Variants in ACP7 observed in about 807,000 individuals in gnomAD.
The protein encoded by ACP7 is acid phosphatase 7, tartrate resistant (putative).
A neutral mutation model predicts 60.6 loss-of-function variants in ACP7; 58 were observed. The ratio of observed to expected loss-of-function variants is 0.96; its 90% CI spans 0.77 to 1.19. The LOEUF is 1.19. ACP7 is among the 50% of genes most tolerant of loss of function. The pLI is 0.00. For missense variants in ACP7, 574 were observed against 596.2 expected, an observed-to-expected ratio of 0.96 and a Z score of 0.39; for synonymous variants, 237 against 232.6, an observed-to-expected ratio of 1.02 and a Z score of -0.17.
Position 39,100,347 on chromosome 19 carries a change from G to A in ACP7, c.626G>A (p.Arg209His), listed in dbSNP as rs766760398. ...ACATGCCCTGGGAATCATGAAGAAC[G>A]CTAGTGAGGACTGAGGGTGGTGGCG... ...YMTCPGNHEE[R>H]YNFSNYKARF... The change falls in exon 5 of 13, where the codon CGC (arginine) becomes CAC (histidine). Residue 209 changes from arginine to histidine, a missense_variant. Coordinates refer to ENST00000331256, the MANE Select transcript of ACP7 (RefSeq NM_001004318.3). The A allele has an allele frequency of 2.5e-6, 4 of 1,614,092 alleles. No homozygotes were observed. Among genetic ancestry groups the A allele is most frequent in the African/African-American group, 1.3e-5 (1 of 75,046 alleles).
intron 2 of ACP7, among the ~76,000 whole-genome samples, chr19:39,097,321 C>A (rs2073277835): frequency 6.6e-6 from 1 of 151,640 alleles, no homozygotes; most frequent in African/African-American, 2.4e-5. Flanking sequence ...GGACACAGAG[C>A]CAAACCATCT....
chr19:39,092,391 T>C (rs1377944006), intron 2 of ACP7, among the ~76,000 whole-genome samples: 2 of 134,378 alleles, frequency 1.5e-5, no homozygotes, highest in Non-Finnish European at 3.2e-5. Context: ...TATATATATA[T>C]ATAGCAGTTG....
At chr19:39,096,274 T>C (rs2073265273) in intron 2 of ACP7, among the ~76,000 whole-genome samples, 2 of 152,348 alleles carry the variant, frequency 1.3e-5, no homozygotes, top group African/African-American at 4.8e-5. Flanking sequence ...ACATCTTGAA[T>C]GCTTTGCTGC....
chr19:39,109,903 T>A (rs527746581), intron 12 of ACP7, 150 bp from the exon 13 acceptor site: 2 of 703,516 alleles, frequency 2.8e-6, no homozygotes, highest in East Asian at 5.0e-5. Context: ...ACTTTTCAGA[T>A]GAGGAAAACT....
At chr19:39,101,378 C>A in intron 10 of ACP7, 23 bp downstream of exon 10, 1 of 1,614,004 alleles carries the variant, frequency 6.2e-7, no homozygotes, top group African/African-American at 1.3e-5. Flanking sequence ...AAGGGCTGAG[C>A]GCCCACACAG....
chr19:39,097,783 A>G (rs1223770882), intron 2 of ACP7, among the ~76,000 whole-genome samples: 1 of 152,072 alleles, frequency 6.6e-6, no homozygotes, highest in Non-Finnish European at 1.5e-5. Context: ...TGATATTAAT[A>G]ATAATACTCA....
intron 2 of ACP7, among the ~76,000 whole-genome samples, chr19:39,094,439 G>A (rs1410287461): frequency 6.6e-6 from 1 of 151,168 alleles, no homozygotes; most frequent in African/African-American, 2.4e-5. Flanking sequence ...GGAGGTGGAG[G>A]TTGCAGTGAG....
chr19:39,107,015 G>A lies in ACP7; in HGVS notation c.1182G>A (p.Glu394=). ...CCTGGAGTGCCGTGCGTGTGAAGGA[G>A]TACGGGTATACGCGGCTGCACATCC... The part of the protein sequence containing the change: ...PRPWSAVRVK[E]YGYTRLHILN... The change falls in exon 12 of 13, where the codon GAG becomes GAA. Residue 394 remains glutamate (E), a synonymous_variant. Transcript: ENST00000331256. 6.2e-7 allele frequency: 1 copy of A among 1,614,134 alleles called. No homozygotes were observed. The highest frequency in any genetic ancestry group is 8.5e-7 in the Non-Finnish European group (1 of 1,180,030).
At chr19:39,093,152 C>CTTTA (rs1568476658) in intron 2 of ACP7, among the ~76,000 whole-genome samples, 1 of 40,526 alleles carries the variant, frequency 2.5e-5, no homozygotes, top group Non-Finnish European at 5.7e-5. Context: ...TCCTTTCTTT[C>CTTTA]TTTCTCTTTC....
chr19:39,101,574 T>A (rs1600267848), intron 11 of ACP7, 37 bp downstream of exon 11: 1 of 1,585,936 alleles, frequency 6.3e-7, no homozygotes, highest in Non-Finnish European at 8.6e-7. Flanking sequence ...CTTCTCTCTC[T>A]ATTCCTATCT....
At position 39,107,005 on chromosome 19, in the gene ACP7, G is replaced by C. The variant is rs759947307; in HGVS notation, c.1172G>C (p.Arg391Pro). 4 of 1,613,988 alleles carry C rather than the reference G, an allele frequency of 2.5e-6. No homozygotes were observed. In the African/African-American group the frequency reaches 4.0e-5, roughly 16 times the overall value. The change falls in exon 12 of 13, where the codon CGT (arginine) becomes CCT (proline). Residue 391 changes from arginine to proline, a missense_variant. Arg to Pro is a moderately radical substitution (Grantham distance 103). Transcript: ENST00000331256. ...TTCCCGAGGCCCTGGAGTGCCGTGCGTGTGAAGGAGTACGGGTATACGCGG... is the reference window on the plus strand; with the variant it reads ...TTCCCGAGGCCCTGGAGTGCCGTGCCTGTGAAGGAGTACGGGTATACGCGG... Reference protein sequence around the residue: ...AVFPRPWSAVRVKEYGYTRLH... With the variant: ...AVFPRPWSAVPVKEYGYTRLH...
At chr19:39,097,827 G>C (rs889901731) in intron 2 of ACP7, among the ~76,000 whole-genome samples, 5 of 152,098 alleles carry the variant, frequency 3.3e-5, no homozygotes, top group African/African-American at 4.8e-5. Context: ...ACTAGGTACT[G>C]TTTCACGTGC....
At position 39,101,032 on chromosome 19, in the gene ACP7, C is replaced by T. The variant is rs773849775; in HGVS notation, c.891C>T (p.Asp297=). The change falls in exon 8 of 13, where the codon GAC becomes GAT. Residue 297 remains aspartate, a synonymous_variant. Coordinates refer to ENST00000331256, the MANE Select transcript of ACP7 (RefSeq NM_001004318.3). The part of the protein sequence containing the change: ...RPMYCSNADL[D]DCTRHESKVR... Reference sequence around the variant, plus strand: ...TGTACTGCTCCAACGCAGATCTGGACGACTGCACACGACATGAAAGCAAGG... The same window carrying T: ...TGTACTGCTCCAACGCAGATCTGGATGACTGCACACGACATGAAAGCAAGG... 19 of 1,613,772 alleles carry T rather than the reference C, an allele frequency of 1.2e-5. No individual in the cohort carries two copies. Among genetic ancestry groups the T allele is most frequent in the African/African-American group, 9.3e-5 (7 of 74,898 alleles).
intron 11 of ACP7, among the ~76,000 whole-genome samples, chr19:39,105,590 G>A (rs779282035): frequency 5.9e-5 from 9 of 151,840 alleles, no homozygotes; most frequent in Non-Finnish European, 1.0e-4. Flanking sequence ...TTACAATCTC[G>A]GCTCACTACA....
At chr19:39,089,573 C>T (rs2073182122) in intron 2 of ACP7, among the ~76,000 whole-genome samples, 1 of 152,134 alleles carries the variant, frequency 6.6e-6, no homozygotes, top group African/African-American at 2.4e-5. Context: ...ACCCGTTTTT[C>T]TACTAATGTC....
At chr19:39,086,459 G>A (rs1335720976) in intron 2 of ACP7, among the ~76,000 whole-genome samples, 5 of 151,542 alleles carry the variant, frequency 3.3e-5, no homozygotes. Context: ...GGTGAAACCC[G>A]GTCTCTACAA....
chr19:39,110,241 A>T lies in ACP7; in HGVS notation c.*123A>T. 2.2e-6 allele frequency: 2 copies of T among 890,630 alleles called. No homozygotes were observed. Among genetic ancestry groups the T allele is most frequent in the South Asian group, 1.5e-5 (1 of 65,272 alleles). The allele number at this position is 890,630 out of a possible 1,614,324, so 55.2% of individuals were successfully genotyped here. A position where few individuals can be genotyped will look rare whatever the true frequency, so the allele number is the denominator to read the frequency against. ...GACTCCCCTGCCCTCCAGAGGCCCC[A>T]TGTAGGGTACATGCAGCCCTATGGA... On this transcript the variant is annotated 3_prime_UTR_variant, in exon 13 of 13. Transcript: ENST00000331256.
chr19:39,105,959 T>C (rs572688405), intron 11 of ACP7, among the ~76,000 whole-genome samples: 45 of 152,302 alleles, frequency 3.0e-4, no homozygotes, highest in African/African-American at 1.0e-3. Flanking sequence ...ACTCTCTTTT[T>C]TCCTTTGTAA....
At chr19:39,088,223 A>G (rs941953164) in intron 2 of ACP7, among the ~76,000 whole-genome samples, 3 of 151,772 alleles carry the variant, frequency 2.0e-5, no homozygotes, top group African/African-American at 4.8e-5. Flanking sequence ...AGGTCTCACT[A>G]TGTTGTCCAG....
Sources: gnomAD v4.1 joint callset for allele counts (sites outside exome capture counted in the v4.1 genomes callset) on GRCh38, gnomAD v4.1.1 for gene constraint, MANE v1.5 for transcripts, NCBI Gene and HGNC (gene_info 2026-07-23, HGNC 2026-07-21) for gene names.